NPAS2: variants seen among roughly 807,000 people sequenced by gnomAD.
NPAS2 encodes neuronal PAS domain protein 2, also known as neuronal PAS domain-containing protein 2.
NPAS2 carries 23 observed loss-of-function variants against 107.5 expected under a neutral mutation model. The observed-to-expected ratio is 0.21, with a 90% CI of 0.15 to 0.30. The LOEUF is 0.30. Ranked by LOEUF, NPAS2 falls within the 10% of genes least tolerant of loss-of-function variation. The probability of loss-of-function intolerance (pLI) is 1.00; values close to 1 mark genes in which losing one functional copy is unlikely to be tolerated. For missense variants in NPAS2, 756 were observed against 1,043.3 expected, an observed-to-expected ratio of 0.72 and a Z score of 3.79; for synonymous variants, 403 against 417.5, an observed-to-expected ratio of 0.97 and a Z score of 0.42.
upstream of NPAS2, among the ~76,000 whole-genome samples, chr2:100,818,750 A>C (rs1558774164): frequency 1.3e-5 from 2 of 152,218 alleles, no homozygotes; most frequent in Admixed American, 1.3e-4. Context: ...AGGGACGGAG[A>C]GACGTCCGGA....
chr2:100,948,479 T>C (rs1474340715), intron 6 of NPAS2, 124 bp downstream of exon 6: 2 of 893,238 alleles, frequency 2.2e-6, no homozygotes, highest in Non-Finnish European at 3.3e-6. Flanking sequence ...ACTCAGAACA[T>C]TTCCAAGATC....
chr2:100,858,351 C>T lies in NPAS2; in HGVS notation c.-23+37937C>T, dbSNP rs183687491. Among the ~76,000 whole-genome samples the T allele has an allele frequency of 4.6e-4, 70 of 152,332 alleles. 2 individuals are homozygous for T. In the East Asian group the frequency reaches 9.8e-3, roughly 21 times the overall value. On this transcript the variant is annotated intron_variant, in intron 1 of 20. Coordinates refer to ENST00000335681, the MANE Select transcript of NPAS2 (RefSeq NM_002518.4). ...GAATTCGAGTCTCTTGCCCTTGTCTCTCCCTTTGTCATCTGCTTTAATGCT... is the reference window on the plus strand; with the variant it reads ...GAATTCGAGTCTCTTGCCCTTGTCTTTCCCTTTGTCATCTGCTTTAATGCT...
At position 100,849,266 on chromosome 2, in the gene NPAS2, A is replaced by G. The variant is rs112845232; in HGVS notation, c.-23+28852A>G. Among the ~76,000 whole-genome samples the G allele has an allele frequency of 3.1e-3, 479 of 152,288 alleles. 2 individuals carry two copies. Among genetic ancestry groups the G allele is most frequent in the African/African-American group, 0.011 (459 of 41,546 alleles). On this transcript the variant is annotated intron_variant, in intron 1 of 20. Transcript: ENST00000335681. ...TGGTTCTGTTTAGCTGAGTGGGTGA[A>G]TGAAAGTAATTAAGATACCCTAAAT...
At chr2:100,904,942 A>G (rs1682047055) in intron 2 of NPAS2, among the ~76,000 whole-genome samples, 156 bp downstream of exon 2, 1 of 152,174 alleles carries the variant, frequency 6.6e-6, no homozygotes, top group African/African-American at 2.4e-5. Flanking sequence ...GTGCTCCATG[A>G]GAAACCTTCT....
At chr2:100,835,056 A>C (rs745400404) in intron 1 of NPAS2, among the ~76,000 whole-genome samples, 26 of 152,108 alleles carry the variant, frequency 1.7e-4, no homozygotes, top group Admixed American at 9.8e-4. Context: ...AGGTAAAAAT[A>C]TCATCAGGTC....
At chr2:100,930,352 C>A (rs1322111243) in intron 3 of NPAS2, among the ~76,000 whole-genome samples, 1 of 152,180 alleles carries the variant, frequency 6.6e-6, no homozygotes, top group Non-Finnish European at 1.5e-5. Context: ...ATTTTCCAGG[C>A]TTTTATTTGA....
intron 2 of NPAS2, among the ~76,000 whole-genome samples, chr2:100,917,902 T>C (rs1157545833): frequency 6.6e-6 from 1 of 152,176 alleles, no homozygotes; most frequent in Non-Finnish European, 1.5e-5. Flanking sequence ...CTGTTCACAC[T>C]CTTCCAGAAA....
chr2:100,842,479 C>T (rs1210960621), intron 1 of NPAS2, among the ~76,000 whole-genome samples: 1 of 152,122 alleles, frequency 6.6e-6, no homozygotes, highest in African/African-American at 2.4e-5. Flanking sequence ...GGTGTCGGGG[C>T]TGCTGCTGCA....
At chr2:100,964,260 AG>A (rs1207111259) in intron 8 of NPAS2, 84 bp downstream of exon 8, 1 of 963,316 alleles carries the variant, frequency 1.0e-6, no homozygotes, top group East Asian at 2.4e-5. Context: ...GTCTTTTGGG[AG>A]GGAATAAATT....
chr2:100,949,418 C>G lies in NPAS2; in HGVS notation c.536C>G (p.Pro179Arg). The G allele has an allele frequency of 1.2e-6, 2 of 1,613,866 alleles. No homozygotes were observed. The highest frequency in any genetic ancestry group is 8.5e-7 in the Non-Finnish European group (1 of 1,179,794). Residue 179 changes from proline to arginine, a missense_variant, in exon 7 of 21, where the codon CCA becomes CGA. Physicochemically the swap from Pro to Arg is moderately radical, Grantham distance 103. Transcript: ENST00000335681. ...YCHLLRGSLN[P>R]KEFPTYEYIK... ...CATCTTCTCAGAGGCAGCTTGAACC[C>G]AAAGGAATTTCCAACTTATGAATAC...
At position 100,965,579 on chromosome 2, in the gene NPAS2, AT is replaced by A; in HGVS notation, c.801-79del. The A allele has an allele frequency of 1.2e-6, 1 of 812,388 alleles. No individual in the cohort carries two copies. 50.3% of individuals were successfully genotyped at this position (812,388 alleles called of 1,614,324 possible). ...GAGAAATGAGGCCTCCATGTTGATC[AT>A]TATGGAAAGGCATGGCCACCAGGGT... On this transcript the variant is annotated intron_variant, in intron 9 of 20. Transcript: ENST00000335681. The surrounding 1 kb of genome is among the most constrained non-coding windows in gnomAD (Gnocchi z 4.3).
intron 2 of NPAS2, among the ~76,000 whole-genome samples, chr2:100,918,473 G>A (rs187631969): frequency 9.4e-4 from 143 of 152,224 alleles, no homozygotes; most frequent in African/African-American, 3.3e-3. Context: ...AGCTATAGTC[G>A]GGTAGAAAAT....
chr2:100,910,097 G>A (rs915219589), intron 2 of NPAS2, among the ~76,000 whole-genome samples: 1 of 152,160 alleles, frequency 6.6e-6, no homozygotes, highest in Non-Finnish European at 1.5e-5. Context: ...TGAGGCAAAA[G>A]GCAGTTTACT....
In NPAS2 at chr2:100,902,472, T is replaced by C. The variant is rs1211897996; in HGVS notation, c.-22-2261T>C. ...ACGCTGTGTGAAATAAGCCAAATACTGTCTGGTTGCACTTACATGACAGAC... is the reference window on the plus strand; with the variant it reads ...ACGCTGTGTGAAATAAGCCAAATACCGTCTGGTTGCACTTACATGACAGAC... On this transcript the variant is annotated intron_variant, in intron 1 of 20. Transcript: ENST00000335681. 2.0e-5 allele frequency among the ~76,000 whole-genome samples: 3 copies of C among 152,228 alleles called. No homozygotes were observed. In the East Asian group the frequency reaches 5.8e-4, roughly 29 times the overall value.
At chr2:100,975,428 GT>G (rs1368745212) in intron 13 of NPAS2, 29 bp from the exon 14 acceptor site, 1 of 1,590,680 alleles carries the variant, frequency 6.3e-7, no homozygotes, top group Admixed American at 1.7e-5. Flanking sequence ...GTACATGGAA[GT>G]TAGAAGGTCA....
intron 4 of NPAS2, chr2:100,935,172 G>A: frequency 1.1e-6 from 1 of 877,644 alleles, no homozygotes; most frequent in Non-Finnish European, 1.4e-6. Flanking sequence ...ACCAGCATTG[G>A]AGCAGTTGCA....
chr2:100,836,881 A>G (rs1456798875), intron 1 of NPAS2, among the ~76,000 whole-genome samples: 1 of 152,196 alleles, frequency 6.6e-6, no homozygotes, highest in African/African-American at 2.4e-5. Context: ...GAACTTTGAA[A>G]AGAACATGAG....
At chr2:100,958,530 G>T (rs1174610562) in intron 7 of NPAS2, among the ~76,000 whole-genome samples, 2 of 152,208 alleles carry the variant, frequency 1.3e-5, no homozygotes, top group African/African-American at 4.8e-5. Flanking sequence ...CCCTGCAGGG[G>T]TCAGTGCTGC....
At chr2:100,918,078 T>TATA (rs1683001399) in intron 2 of NPAS2, among the ~76,000 whole-genome samples, 3 of 110,874 alleles carry the variant, frequency 2.7e-5, no homozygotes, top group African/African-American at 9.9e-5. Flanking sequence ...TTATATATAT[T>TATA]TTAAATTACA....
Sources: allele counts gnomAD v4.1 joint callset (sites outside exome capture counted in the v4.1 genomes callset), GRCh38; gene constraint gnomAD v4.1.1; non-coding constraint Gnocchi (gnomAD v3.1); transcripts MANE v1.5; gene names NCBI Gene and HGNC (gene_info 2026-07-23, HGNC 2026-07-21).